Variants in MNS1 observed in about 807,000 individuals in gnomAD.
MNS1 encodes the protein meiosis-specific nuclear structural protein 1.
A neutral mutation model predicts 72.0 loss-of-function variants in MNS1; 63 were observed. The observed-to-expected ratio is 0.87, with a 90% CI of 0.71 to 1.08. The LOEUF (loss-of-function observed/expected upper bound fraction) is 1.08, where lower values mean the gene tolerates loss of function less well. Among genes scored for constraint, MNS1 ranks in the 50% least tolerant of loss-of-function variants. MNS1 has a pLI of 0.00. For missense variants in MNS1, 604 were observed against 562.4 expected (o/e 1.07, Z -0.75); for synonymous variants, 188 against 172.1 (o/e 1.09, Z -0.72).
Position 56,456,454 on chromosome 15 carries a change from G to T in MNS1, c.293C>A (p.Ala98Glu). Residue 98 changes from alanine to glutamate, a missense_variant, in exon 3 of 10, where the codon GCA (alanine) becomes GAA (glutamate). Ala to Glu is a moderately radical substitution (Grantham distance 107, BLOSUM62 -1). Coordinates refer to ENST00000260453, the MANE Select transcript of MNS1 (RefSeq NM_018365.4). ...CTTTAGACTTTCATGTTTCAGTTTT[G>T]CCAATTCCATAGCCAGTTTTTCTTC... ...KQEEKLAMEL[A>E]KLKHESLKDE... 1 of 1,611,856 alleles carries T rather than the reference G, an allele frequency of 6.2e-7. No homozygotes were observed. Among genetic ancestry groups the T allele is most frequent in the Non-Finnish European group, 8.5e-7 (1 of 1,179,286 alleles).
chr15:56,458,111 C>G (rs1455049282), intron 2 of MNS1, among the ~76,000 whole-genome samples: 1 of 152,208 alleles, frequency 6.6e-6, no homozygotes, highest in Non-Finnish European at 1.5e-5. Context: ...AAGCTAATTC[C>G]AAAAGATTAC....
At position 56,434,110 on chromosome 15, in the gene MNS1, C is replaced by A. The variant is rs776759712; in HGVS notation, c.1269+28G>T. ...AGCTATTGCTGTTTAATGATAATGA[C>A]CAAAAAAACCCCACAACTTTTTCTT... On this transcript the variant is annotated intron_variant, in intron 8 of 9. Transcript: ENST00000260453. The A allele has an allele frequency of 3.8e-6, 6 of 1,598,790 alleles. No individual in the cohort carries two copies. The East Asian group carries it at 1.3e-4, about 36-fold the overall frequency.
chr15:56,431,572 A>C, intron 8 of MNS1, 74 bp from the exon 9 acceptor site: 1 of 1,460,172 alleles, frequency 6.8e-7, no homozygotes, highest in Non-Finnish European at 9.5e-7. Context: ...AAAACTACTC[A>C]TGCAATGAAT....
chr15:56,433,601 TA>T (rs749699387), intron 8 of MNS1, among the ~76,000 whole-genome samples: 15 of 152,110 alleles, frequency 9.9e-5, no homozygotes, highest in Non-Finnish European at 5.9e-5. Flanking sequence ...CTGGGATTAT[TA>T]TAATAACTTA....
At chr15:56,430,415 A>T (rs2050554580) in intron 9 of MNS1, among the ~76,000 whole-genome samples, 1 of 152,106 alleles carries the variant, frequency 6.6e-6, no homozygotes, top group Admixed American at 6.6e-5. Flanking sequence ...CATGTTTCCC[A>T]GGCTGGTCTT....
chr15:56,436,643 C>T (rs2050730716), intron 7 of MNS1, among the ~76,000 whole-genome samples: 2 of 152,014 alleles, frequency 1.3e-5, no homozygotes. Context: ...ACAAAAAACC[C>T]TTCAAAAAAT....
intron 7 of MNS1, among the ~76,000 whole-genome samples, chr15:56,443,131 G>A (rs1056438276): frequency 4.6e-5 from 7 of 152,108 alleles, no homozygotes; most frequent in African/African-American, 1.7e-4. Flanking sequence ...CTTTTGACTA[G>A]TGTCTGTATG....
chr15:56,464,677 C>T (rs1472855297), intron 1 of MNS1, among the ~76,000 whole-genome samples: 1 of 152,118 alleles, frequency 6.6e-6, no homozygotes, highest in Admixed American at 6.5e-5. Context: ...GGTCAATTCG[C>T]CGCTATTTAT....
At chr15:56,456,791 A>G (rs960519584) in intron 2 of MNS1, among the ~76,000 whole-genome samples, 3 of 152,090 alleles carry the variant, frequency 2.0e-5, no homozygotes, top group African/African-American at 4.8e-5. Flanking sequence ...CATTCTGCTA[A>G]TCTTTTTTCT....
chr15:56,428,865 A>G lies in MNS1; in HGVS notation c.*236T>C. ...ATACTGTCTTGAGGATGGGGATGCA[A>G]ACAGTGCTCTGTAGTGTTGTAGAAA... On this transcript the variant is annotated 3_prime_UTR_variant, in exon 10 of 10. Coordinates refer to ENST00000260453, the MANE Select transcript of MNS1 (RefSeq NM_018365.4). 1 of 447,204 alleles carries G rather than the reference A, an allele frequency of 2.2e-6. No individual in the cohort carries two copies. Among genetic ancestry groups the G allele is most frequent in the East Asian group, 4.0e-5 (1 of 24,718 alleles). 27.7% of individuals were successfully genotyped at this position (447,204 alleles called of 1,614,324 possible). A position where few individuals can be genotyped will look rare whatever the true frequency, so the allele number is the denominator to read the frequency against.
rs2051049959 is a variant in MNS1 at position 56,465,008 on chromosome 15, G to A, written c.-36C>T. 13 of 1,602,222 alleles carry A rather than the reference G, an allele frequency of 8.1e-6. No homozygotes were observed. Among genetic ancestry groups the A allele is most frequent in the African/African-American group, 1.3e-5 (1 of 74,384 alleles). On this transcript the variant is annotated 5_prime_UTR_variant, in exon 1 of 10. Coordinates refer to ENST00000260453, the MANE Select transcript of MNS1 (RefSeq NM_018365.4). The stretch of plus-strand genomic sequence containing the variant: ...GAAAAATACCCCCTCTCGTGGGACC[G>A]CGGCCACCACCTCCCGCCGCAAACG...
Position 56,465,047 on chromosome 15 carries a change from C to T in MNS1, c.-75G>A, listed in dbSNP as rs904514605. The T allele has an allele frequency of 2.5e-6, 4 of 1,576,500 alleles. No individual in the cohort carries two copies. The highest frequency in any genetic ancestry group is 1.7e-4 in the Middle Eastern group (1 of 5,852). On this transcript the variant is annotated 5_prime_UTR_variant, in exon 1 of 10. Coordinates refer to ENST00000260453, the MANE Select transcript of MNS1 (RefSeq NM_018365.4). ...CCGCCGCAAACGCAGCAGCCAGCAG[C>T]CCCAAGGAGCGCACCTGGCTGCGCG...
intron 2 of MNS1, among the ~76,000 whole-genome samples, chr15:56,456,877 C>T (rs2050985009): frequency 6.6e-6 from 1 of 152,108 alleles, no homozygotes; most frequent in Non-Finnish European, 1.5e-5. Context: ...GACATCATGT[C>T]ACTTACCATG....
chr15:56,463,867 G>C (rs188297471), intron 2 of MNS1, 159 bp downstream of exon 2: 53 of 618,750 alleles, frequency 8.6e-5, no homozygotes, highest in Non-Finnish European at 1.3e-4. Flanking sequence ...GCCGGCTCCA[G>C]AAACCCAGGT....
intron 3 of MNS1, among the ~76,000 whole-genome samples, chr15:56,456,157 A>G (rs1204373535): frequency 2.0e-5 from 3 of 152,136 alleles, no homozygotes; most frequent in Non-Finnish European, 4.4e-5. Flanking sequence ...ATTTATGTGT[A>G]AAGGAAAGAG....
At chr15:56,441,502 A>T (rs746477683) in intron 7 of MNS1, among the ~76,000 whole-genome samples, 11 of 152,212 alleles carry the variant, frequency 7.2e-5, no homozygotes, top group Admixed American at 1.3e-4. Flanking sequence ...GGACCTGGCA[A>T]AGATTTCATG....
chr15:56,445,959 A>G (rs1280381836), intron 4 of MNS1: 9 of 152,016 alleles, frequency 5.9e-5, no homozygotes, highest in Admixed American at 5.9e-4. Context: ...ACCTTTTCTT[A>G]TCACCTGCCA....
chr15:56,464,324 T>C, intron 1 of MNS1, 77 bp from the exon 2 acceptor site: 1 of 1,074,288 alleles, frequency 9.3e-7, no homozygotes, highest in Non-Finnish European at 1.3e-6. Flanking sequence ...GATATAAACC[T>C]TAGTAAGAAA....
intron 9 of MNS1, among the ~76,000 whole-genome samples, chr15:56,430,431 C>T (rs2050555654): frequency 6.6e-6 from 1 of 152,120 alleles, no homozygotes; most frequent in East Asian, 1.9e-4. Context: ...GTCTTGAACT[C>T]CTGGGCTCAG....
Sources: allele counts gnomAD v4.1 joint callset (sites outside exome capture counted in the v4.1 genomes callset), GRCh38; gene constraint gnomAD v4.1.1; transcripts MANE v1.5; gene names NCBI Gene and HGNC (gene_info 2026-07-23, HGNC 2026-07-21).